Variants in AGBL4 observed in about 807,000 individuals in gnomAD.
AGBL4 encodes AGBL carboxypeptidase 4, also known as cytosolic carboxypeptidase 6.
Under a neutral mutation model 66.4 loss-of-function variants are expected in AGBL4, and 58 were observed. That is an observed-to-expected ratio of 0.87 (90% CI 0.71 to 1.09). The LOEUF (loss-of-function observed/expected upper bound fraction) is 1.09, where lower values mean the gene tolerates loss of function less well. Among genes scored for constraint, AGBL4 ranks in the 50% least tolerant of loss-of-function variants. AGBL4 has a pLI of 0.00. For synonymous variants in AGBL4, 234 were observed against 222.9 expected (o/e 1.05, Z -0.44); for missense variants, 579 against 631.0 (o/e 0.92, Z 0.88).
chr1:49,107,479 T>C (rs947897328), intron 4 of AGBL4, among the ~76,000 whole-genome samples: 4 of 152,096 alleles, frequency 2.6e-5, no homozygotes, highest in Non-Finnish European at 5.9e-5. Context: ...AAGCCCAAAA[T>C]AATATAAATG....
rs143410245 is a variant in AGBL4 at position 49,425,326 on chromosome 1, T to C, written c.283-179462A>G. ...TTGGCTTTTTATTCTCTTTAGAAAA[T>C]GATGTGACAGAATCATAGTCATATG... On this transcript the variant is annotated intron_variant, in intron 3 of 13. Coordinates refer to ENST00000371839, the MANE Select transcript of AGBL4 (RefSeq NM_032785.4). Among the ~76,000 whole-genome samples the C allele has an allele frequency of 3.6e-4, 55 of 152,120 alleles. 1 individual carries two copies. In the East Asian group the frequency reaches 9.9e-3, roughly 27 times the overall value.
At chr1:49,399,326 A>C (rs1452459333) in intron 3 of AGBL4, among the ~76,000 whole-genome samples, 1 of 152,112 alleles carries the variant, frequency 6.6e-6, no homozygotes, top group African/African-American at 2.4e-5. Context: ...TACCTCTTCG[A>C]TATACTGATT....
intron 8 of AGBL4, among the ~76,000 whole-genome samples, chr1:48,642,704 T>C (rs1390589782): frequency 1.3e-5 from 2 of 152,220 alleles, no homozygotes; most frequent in Non-Finnish European, 2.9e-5. Context: ...TTACTCCTTT[T>C]TGAAAGGTCT....
rs77796118 is a variant in AGBL4 at position 48,909,613 on chromosome 1, T to C, written c.595-42383A>G. 1.5e-3 allele frequency among the ~76,000 whole-genome samples: 225 copies of C among 152,228 alleles called. 7 individuals are homozygous for C. In the East Asian group the frequency reaches 0.04, roughly 27 times the overall value. ...GGGACTAAATTTTTTCCTCAAGTAATAACAAGACTCCTATTACTAGGATGT... is the reference window on the plus strand; with the variant it reads ...GGGACTAAATTTTTTCCTCAAGTAACAACAAGACTCCTATTACTAGGATGT... On this transcript the variant is annotated intron_variant, in intron 5 of 13. Coordinates refer to ENST00000371839, the MANE Select transcript of AGBL4 (RefSeq NM_032785.4).
intron 6 of AGBL4, among the ~76,000 whole-genome samples, chr1:48,808,996 G>A (rs1645991894): frequency 6.6e-6 from 1 of 152,200 alleles, no homozygotes; most frequent in African/African-American, 2.4e-5. Flanking sequence ...TCATTCTCCA[G>A]AAAAGGGGTC....
chr1:49,636,329 T>C (rs888911473), intron 3 of AGBL4, among the ~76,000 whole-genome samples: 1 of 152,206 alleles, frequency 6.6e-6, no homozygotes, highest in African/African-American at 2.4e-5. Flanking sequence ...CATGGTATAT[T>C]GCTGAGAGAA....
At position 48,976,802 on chromosome 1, in the gene AGBL4, C is replaced by G. The variant is rs192629291; in HGVS notation, c.594+68782G>C. 3.3e-3 allele frequency among the ~76,000 whole-genome samples: 497 copies of G among 152,212 alleles called. 4 individuals are homozygous for G. The highest frequency in any genetic ancestry group is 3.7e-3 in the Non-Finnish European group (255 of 68,004). On this transcript the variant is annotated intron_variant, in intron 5 of 13. Coordinates refer to ENST00000371839, the MANE Select transcript of AGBL4 (RefSeq NM_032785.4). ...TCCTCCTCAACCTTTAGTCTTAACT[C>G]CAATATCCCCTACTTTTTTAGACCT...
At chr1:48,749,794 T>C (rs1651376468) in intron 6 of AGBL4, among the ~76,000 whole-genome samples, 1 of 152,180 alleles carries the variant, frequency 6.6e-6, no homozygotes, top group African/African-American at 2.4e-5. Context: ...CCTGCCCAAC[T>C]ATCTGTGCCC....
rs551909939 is a variant in AGBL4 at position 49,502,289 on chromosome 1, T to C, written c.282+195024A>G. On this transcript the variant is annotated intron_variant, in intron 3 of 13. Coordinates refer to ENST00000371839, the MANE Select transcript of AGBL4 (RefSeq NM_032785.4). ...TCCTTTCTCCTCAGCTTGCAGAGAGTCTATTGTGGTAGTTCACATTGTGAT... is the reference window on the plus strand; with the variant it reads ...TCCTTTCTCCTCAGCTTGCAGAGAGCCTATTGTGGTAGTTCACATTGTGAT... 1.1e-4 allele frequency among the ~76,000 whole-genome samples: 17 copies of C among 152,100 alleles called. No homozygotes were observed. In the East Asian group the frequency reaches 3.3e-3, roughly 29 times the overall value.
chr1:49,006,506 G>C (rs1433125012), intron 5 of AGBL4, among the ~76,000 whole-genome samples: 2 of 152,210 alleles, frequency 1.3e-5, no homozygotes, highest in African/African-American at 2.4e-5. Flanking sequence ...GGGGAAGCTC[G>C]AACTGGGTGG....
chr1:49,717,260 C>G (rs184452898), intron 2 of AGBL4, among the ~76,000 whole-genome samples: 1 of 152,000 alleles, frequency 6.6e-6, no homozygotes, highest in Admixed American at 6.6e-5. Context: ...GAATCAATAT[C>G]GTGAAAATGG....
rs545749616 is a variant in AGBL4, at chr1:49,473,759, T to A, written c.282+223554A>T. Reference sequence around the variant, plus strand: ...GATTTTCTTCTAGTATTTTTATAGTTTTAGGTTTTACACATTAGTCTTTAA... The same window carrying A: ...GATTTTCTTCTAGTATTTTTATAGTATTAGGTTTTACACATTAGTCTTTAA... On this transcript the variant is annotated intron_variant, in intron 3 of 13. Coordinates refer to ENST00000371839, the MANE Select transcript of AGBL4 (RefSeq NM_032785.4). Among the ~76,000 whole-genome samples, 6 of 152,232 alleles carry A rather than the reference T, an allele frequency of 3.9e-5. 1 individual carries two copies. The South Asian group carries it at 1.2e-3, about 32-fold the overall frequency.
intron 4 of AGBL4, among the ~76,000 whole-genome samples, chr1:49,055,663 C>T (rs1644295430): frequency 6.6e-6 from 1 of 151,762 alleles, no homozygotes; most frequent in Non-Finnish European, 1.5e-5. Context: ...ATAGGTGTAG[C>T]TAAGAAACTG....
Position 49,398,110 on chromosome 1 carries a change from T to C in AGBL4, c.283-152246A>G, listed in dbSNP as rs151123316. Among the ~76,000 whole-genome samples, 308 of 152,354 alleles carry C rather than the reference T, an allele frequency of 2.0e-3. 3 individuals are homozygous for C. In the Middle Eastern group the frequency reaches 0.037, roughly 19 times the overall value. On this transcript the variant is annotated intron_variant, in intron 3 of 13. Transcript: ENST00000371839. ...TTGTCTCCTGTGATGGTTAATTATA[T>C]GTGTCAATTGACTAGGTTAAGAATT... is the stretch of plus-strand genomic sequence containing the variant.
At chr1:48,661,632 A>C (rs1646109087) in intron 7 of AGBL4, among the ~76,000 whole-genome samples, 3 of 152,192 alleles carry the variant, frequency 2.0e-5, no homozygotes, top group Admixed American at 2.0e-4. Context: ...GGGTCTTCAG[A>C]GAGCACCTGA....
intron 9 of AGBL4, among the ~76,000 whole-genome samples, chr1:48,631,633 G>A (rs1401352234): frequency 6.6e-6 from 1 of 152,124 alleles, no homozygotes; most frequent in Non-Finnish European, 1.5e-5. Context: ...ACTTCAGGTG[G>A]TCCGCCTGCC....
intron 6 of AGBL4, among the ~76,000 whole-genome samples, chr1:48,691,718 C>A (rs920847670): frequency 7.2e-5 from 11 of 152,150 alleles, no homozygotes; most frequent in Admixed American, 2.0e-4. Context: ...TCACACCAGC[C>A]CTCTAAAATA....
At chr1:49,146,456 G>GA (rs1646220094) in intron 4 of AGBL4, among the ~76,000 whole-genome samples, 1 of 152,086 alleles carries the variant, frequency 6.6e-6, no homozygotes, top group Non-Finnish European at 1.5e-5. Context: ...CATTGTGGGG[G>GA]ATCACAGAAT....
chr1:48,760,907 C>G (rs1644223825), intron 6 of AGBL4: 1 of 154,416 alleles, frequency 6.5e-6, no homozygotes, highest in Non-Finnish European at 1.4e-5. Flanking sequence ...TCTCACAAAT[C>G]CCTTCTGTGA....
Sources: gnomAD v4.1 joint callset for allele counts (sites outside exome capture counted in the v4.1 genomes callset) on GRCh38, gnomAD v4.1.1 for gene constraint, MANE v1.5 for transcripts, NCBI Gene and HGNC (gene_info 2026-07-23, HGNC 2026-07-21) for gene names.